Variants in LARGE1 observed in about 807,000 individuals in gnomAD.
LARGE1 encodes LARGE xylosyl- and glucuronyltransferase 1.
A neutral mutation model predicts 87.6 loss-of-function variants in LARGE1; 43 were observed. The ratio of observed to expected loss-of-function variants is 0.49; its 90% CI spans 0.38 to 0.63. LARGE1 has a LOEUF of 0.63. LARGE1 is among the 30% of genes least tolerant of loss of function. The pLI, the probability that LARGE1 is intolerant of heterozygous loss-of-function variation, is 0.00. For synonymous variants in LARGE1, 434 were observed against 394.6 expected, an observed-to-expected ratio of 1.10 and a Z score of -1.18; for missense variants, 802 against 1,000.2, an observed-to-expected ratio of 0.80 and a Z score of 2.67.
chr22:33,564,829 A>G lies in LARGE1; in HGVS notation c.787+19T>C. Reference sequence around the variant, plus strand: ...TACCTACAAGGATATCGGGGAAAAAACGAATGGGCTACCATTACCTTTGAA... The same window carrying G: ...TACCTACAAGGATATCGGGGAAAAAGCGAATGGGCTACCATTACCTTTGAA... On this transcript the variant is annotated intron_variant, in intron 6 of 14. Coordinates refer to ENST00000397394, the MANE Select transcript of LARGE1 (RefSeq NM_133642.5). The G allele has an allele frequency of 6.2e-7, 1 of 1,613,964 alleles. No homozygotes were observed. Among genetic ancestry groups the G allele is most frequent in the Non-Finnish European group, 8.5e-7 (1 of 1,179,930 alleles).
chr22:33,544,447 G>A (rs773077945), intron 6 of LARGE1, among the ~76,000 whole-genome samples: 12 of 152,172 alleles, frequency 7.9e-5, no homozygotes, highest in Non-Finnish European at 1.6e-4. Flanking sequence ...AGCACTTTGG[G>A]AGGCTGAGGC....
rs143281441 is a variant in LARGE1, at chr22:33,888,969, G to A, written c.-83+31026C>T. Among the ~76,000 whole-genome samples the A allele has an allele frequency of 5.3e-3, 808 of 152,304 alleles. 11 individuals carry two copies. The highest frequency in any genetic ancestry group is 0.019 in the African/African-American group (780 of 41,562). ...GTGGTTTTTGAGTAGCTTACTTAAA[G>A]TCAGTTACACATTTAAGTTCCTGAT... On this transcript the variant is annotated intron_variant, in intron 1 of 14. Coordinates refer to ENST00000397394, the MANE Select transcript of LARGE1 (RefSeq NM_133642.5).
rs1929457891 is a variant in LARGE1, at chr22:33,277,078, G to T, written c.2055C>A (p.Ile685=). The T allele has an allele frequency of 1.2e-6, 2 of 1,614,070 alleles. No homozygotes were observed. The highest frequency in any genetic ancestry group is 3.3e-5 in the Admixed American group (2 of 60,006). ...TTCTCACCTGCACATCCAGCTCCAT[G>T]ATATGAGCCACTTTGTTCCAGCCAA... ...VGFGWNKVAH[I]MELDVQEYEF... Residue 685 remains isoleucine, a synonymous_variant, in exon 14 of 15, where the codon ATC becomes ATA. Coordinates refer to ENST00000397394, the MANE Select transcript of LARGE1 (RefSeq NM_133642.5).
intron 4 of LARGE1, among the ~76,000 whole-genome samples, chr22:33,606,940 T>C (rs1394429648): frequency 1.3e-5 from 2 of 152,126 alleles, no homozygotes; most frequent in African/African-American, 2.4e-5. Context: ...CATCCTTATG[T>C]AGTGGTTGCC....
intron 1 of LARGE1, among the ~76,000 whole-genome samples, chr22:33,879,767 G>A (rs2064610857): frequency 6.6e-6 from 1 of 152,174 alleles, no homozygotes; most frequent in African/African-American, 2.4e-5. Flanking sequence ...TTGCTTATAT[G>A]TCTGTTACCT....
At chr22:33,719,411 C>G (rs1048139090) in intron 2 of LARGE1, among the ~76,000 whole-genome samples, 1 of 152,196 alleles carries the variant, frequency 6.6e-6, no homozygotes, top group African/African-American at 2.4e-5. Context: ...ACACCACTCA[C>G]TCACTGACTC....
At chr22:33,648,349 C>T (rs572127301) in intron 3 of LARGE1, among the ~76,000 whole-genome samples, 1 of 152,216 alleles carries the variant, frequency 6.6e-6, no homozygotes, top group South Asian at 2.1e-4. Context: ...CTTTTTTATG[C>T]CTTCTTTTCC....
chr22:33,219,793 C>A (rs1405689575), intron 11 of LARGE1, among the ~76,000 whole-genome samples: 1 of 152,108 alleles, frequency 6.6e-6, no homozygotes, highest in Non-Finnish European at 1.5e-5. Flanking sequence ...AGACGCCATG[C>A]CTGGTGGATT....
chr22:33,265,058 G>A (rs903791176), intron 11 of LARGE1, among the ~76,000 whole-genome samples: 1 of 151,648 alleles, frequency 6.6e-6, no homozygotes, highest in Admixed American at 6.6e-5. Flanking sequence ...GTGCCACCAT[G>A]CCTGGCTAAT....
chr22:33,469,886 C>CT lies in LARGE1; in HGVS notation c.788-37622dup, dbSNP rs537465362. Among the ~76,000 whole-genome samples the CT allele has an allele frequency of 2.1e-3, 245 of 117,008 alleles. 4 individuals are homozygous for CT. Among genetic ancestry groups the CT allele is most frequent in the African/African-American group, 4.9e-3 (157 of 31,812 alleles). 76.8% of individuals were successfully genotyped at this position (117,008 alleles called of 152,430 possible). On this transcript the variant is annotated intron_variant, in intron 6 of 14. Transcript: ENST00000397394. ...CCATCTATTGGGTGCTATGTTTACT[C>CT]TTTTTTTTTTTTTTTTTTTCTGACA...
intron 11 of LARGE1, among the ~76,000 whole-genome samples, chr22:33,235,217 A>AT (rs1926193786): frequency 1.3e-5 from 2 of 152,232 alleles, no homozygotes; most frequent in Admixed American, 6.5e-5. Context: ...TGCAGGTTAA[A>AT]TTTTAAGGGA....
intron 6 of LARGE1, among the ~76,000 whole-genome samples, chr22:33,554,914 C>T (rs2077630596): frequency 6.6e-6 from 1 of 152,294 alleles, no homozygotes; most frequent in Non-Finnish European, 1.5e-5. Flanking sequence ...CTGTTCTGTG[C>T]TGGGACATAT....
chr22:33,178,951 G>C lies in LARGE1; in HGVS notation c.1731-12119C>G, dbSNP rs771413477. Among the ~76,000 whole-genome samples the C allele has an allele frequency of 1.8e-4, 28 of 152,112 alleles. 1 individual carries two copies. Among genetic ancestry groups the C allele is most frequent in the Middle Eastern group, 3.2e-3 (1 of 316 alleles). ...CAGTTTTGAAAGCTGAGAATTCCAA[G>C]AGCATGATACCAGCATCTGGTGAGG... is the stretch of plus-strand genomic sequence containing the variant. On this transcript the variant is annotated intron_variant, in intron 11 of 11. Coordinates refer to the LARGE1 transcript ENST00000608642.
At chr22:33,592,691 A>G (rs113839401) in intron 5 of LARGE1, among the ~76,000 whole-genome samples, 13 of 148,104 alleles carry the variant, frequency 8.8e-5, no homozygotes, top group African/African-American at 3.3e-4. Flanking sequence ...AACTCTGTAC[A>G]CACTGTCTGC....
chr22:33,337,562 G>T, intron 10 of LARGE1, 84 bp downstream of exon 10: 1 of 1,534,164 alleles, frequency 6.5e-7, no homozygotes, highest in South Asian at 1.2e-5. Flanking sequence ...CCATGAGCCT[G>T]ACATAGAGCC....
intron 1 of LARGE1, among the ~76,000 whole-genome samples, chr22:33,778,797 C>T (rs577181124): frequency 3.3e-5 from 5 of 152,108 alleles, no homozygotes; most frequent in Admixed American, 6.6e-5. Flanking sequence ...ATTACAGGCG[C>T]CTGCCACCAT....
intron 11 of LARGE1, among the ~76,000 whole-genome samples, chr22:33,230,903 A>C (rs2145654230): frequency 6.6e-6 from 1 of 152,346 alleles, no homozygotes; most frequent in East Asian, 1.9e-4. Flanking sequence ...TCTATAGTTC[A>C]GACTTAGATT....
At chr22:33,305,603 C>G (rs1052404052) in intron 11 of LARGE1, 12 of 985,062 alleles carry the variant, frequency 1.2e-5, no homozygotes, top group Middle Eastern at 5.2e-4. Flanking sequence ...ACCAGGAAAT[C>G]GATTCCATGC....
intron 11 of LARGE1, among the ~76,000 whole-genome samples, chr22:33,254,620 C>A (rs1417885500): frequency 6.6e-6 from 1 of 152,194 alleles, no homozygotes; most frequent in Non-Finnish European, 1.5e-5. Context: ...TGACCCTGAG[C>A]AAGTCACCCA....
Sources: gnomAD v4.1 joint callset for allele counts (sites outside exome capture counted in the v4.1 genomes callset) on GRCh38, gnomAD v4.1.1 for gene constraint, MANE v1.5 for transcripts, NCBI Gene and HGNC (gene_info 2026-07-23, HGNC 2026-07-21) for gene names.